TXLNG: variants seen among roughly 807,000 people sequenced by gnomAD.
TXLNG encodes the protein taxilin gamma, also known as gamma-taxilin.
In TXLNG, 5 loss-of-function variants were observed where a neutral mutation model predicts 38.8. That is an observed-to-expected ratio of 0.13 (90% CI 0.07 to 0.27). TXLNG has a LOEUF of 0.27. Ranked by LOEUF, TXLNG falls within the 10% of genes least tolerant of loss-of-function variation. The probability of loss-of-function intolerance (pLI) is 1.00; values close to 1 mark genes in which losing one functional copy is unlikely to be tolerated. For missense variants in TXLNG, 393 were observed against 398.2 expected (o/e 0.99, Z 0.11); for synonymous variants, 182 against 158.2 (o/e 1.15, Z -1.13).
intron 3 of TXLNG, among the ~76,000 whole-genome samples, chrX:16,824,344 CA>C (rs778537903): frequency 2.2e-3 from 201 of 91,527 alleles, no homozygotes; most frequent in African/African-American, 2.0e-3. Context: ...ATGCTATCTC[CA>C]AAAAAAAAAA....
intron 3 of TXLNG, among the ~76,000 whole-genome samples, chrX:16,823,835 G>A: frequency 9.0e-6 from 1 of 111,598 alleles, no homozygotes; most frequent in Middle Eastern, 4.6e-3. Flanking sequence ...TAGTCAGTTT[G>A]TACAGATTAT....
chrX:16,792,255 C>G (rs1016543203), intron 1 of TXLNG, among the ~76,000 whole-genome samples: 2 of 111,586 alleles, frequency 1.8e-5, no homozygotes, highest in Middle Eastern at 4.6e-3. Context: ...ATAATAGAGC[C>G]CACAGTTGGT....
chrX:16,837,052 C>T (rs1179039721), intron 7 of TXLNG, among the ~76,000 whole-genome samples: 1 of 111,472 alleles, frequency 9.0e-6, no homozygotes, highest in Non-Finnish European at 1.9e-5. Flanking sequence ...AGCATTTTTC[C>T]CTCATCCTTA....
intron 1 of TXLNG, among the ~76,000 whole-genome samples, chrX:16,795,781 T>C (rs776829628): frequency 9.0e-6 from 1 of 111,056 alleles, no homozygotes; most frequent in Non-Finnish European, 1.9e-5. Flanking sequence ...TAACATGCCA[T>C]ACAGTTTGCC....
At chrX:16,803,979 T>C (rs949490934) in intron 1 of TXLNG, among the ~76,000 whole-genome samples, 1 of 110,590 alleles carries the variant, frequency 9.0e-6, no homozygotes. Context: ...AAGGAAAATA[T>C]TCCAATAAAG....
At position 16,841,621 on chromosome X, in the gene TXLNG, CTGCCCTGGAT is replaced by C. The variant is rs752066428; in HGVS notation, c.1444_1453del (p.Ala482LeufsTer5). The C allele has an allele frequency of 8.3e-7, 1 of 1,211,717 alleles. No homozygotes were observed. On this transcript the variant is annotated frameshift_variant, in exon 10 of 10. Coordinates refer to ENST00000380122, the MANE Select transcript of TXLNG (RefSeq NM_018360.3). LOFTEE classifies it low-confidence loss of function (END_TRUNC). ...GCAACACCTGTGATGCAGCCCTGTA[CTGCCCTGGAT>C]TCTCACAAGGAGCTGAACACTTCCT...
intron 1 of TXLNG, among the ~76,000 whole-genome samples, chrX:16,814,082 T>A (rs765111714): frequency 9.1e-6 from 1 of 109,615 alleles, no homozygotes; most frequent in South Asian, 3.8e-4. Flanking sequence ...CGAGACTCCA[T>A]CTCAAAAAAA....
intron 1 of TXLNG, among the ~76,000 whole-genome samples, chrX:16,796,807 T>A (rs1927905257): frequency 9.0e-6 from 1 of 110,930 alleles, no homozygotes; most frequent in African/African-American, 3.3e-5. Flanking sequence ...GCTGGCCTTC[T>A]AGTCTCTCTA....
At chrX:16,809,190 C>T (rs1489307751) in intron 1 of TXLNG, among the ~76,000 whole-genome samples, 3 of 110,731 alleles carry the variant, frequency 2.7e-5, no homozygotes, top group African/African-American at 9.9e-5. Context: ...CTAGAGGTTC[C>T]CTTGTGCTGC....
chrX:16,833,471 T>C (rs977139424), intron 6 of TXLNG, among the ~76,000 whole-genome samples: 1 of 112,009 alleles, frequency 8.9e-6, no homozygotes, highest in African/African-American at 3.2e-5. Flanking sequence ...AGTTCCTGAG[T>C]GGCCCTCGTC....
intron 1 of TXLNG, among the ~76,000 whole-genome samples, chrX:16,798,165 G>A (rs1457978031): frequency 1.8e-5 from 2 of 112,180 alleles, no homozygotes; most frequent in African/African-American, 3.2e-5. Context: ...TAGTCATTTC[G>A]AAAATATTGG....
At position 16,828,231 on chromosome X, in the gene TXLNG, C is replaced by T. The variant is rs184731400; in HGVS notation, c.636C>T (p.Cys212=). The change falls in exon 4 of 10, where the codon TGC becomes TGT. Residue 212 remains cysteine, a synonymous_variant. Coordinates refer to ENST00000380122, the MANE Select transcript of TXLNG (RefSeq NM_018360.3). ...CAAGAAGCAAGCTAGAATCTCTTTG[C>T]AGAGAACTTCAGCGTCACAATAAGA... is the stretch of plus-strand genomic sequence containing the variant. The part of the protein sequence containing the change: ...ILARSKLESL[C]RELQRHNKTL... 3 of 1,207,275 alleles carry T rather than the reference C, an allele frequency of 2.5e-6. No homozygotes were observed. The highest frequency in any genetic ancestry group is 2.2e-6 in the Non-Finnish European group (2 of 893,408).
intron 1 of TXLNG, among the ~76,000 whole-genome samples, chrX:16,802,174 C>G (rs1928123441): frequency 9.5e-6 from 1 of 105,029 alleles, no homozygotes; most frequent in African/African-American, 3.5e-5. Flanking sequence ...TCAGACTGGT[C>G]TTGAACTCCT....
At position 16,829,740 on chromosome X, in the gene TXLNG, G is replaced by C; in HGVS notation, c.834G>C (p.Lys278Asn). 2.5e-6 allele frequency: 3 copies of C among 1,211,835 alleles called. No individual in the cohort carries two copies. The highest frequency in any genetic ancestry group is 2.2e-6 in the Non-Finnish European group (2 of 895,532). Residue 278 changes from lysine (K) to asparagine (N), a missense_variant, in exon 5 of 10, where the codon AAG becomes AAC. By Grantham distance (94) the Lys-to-Asn change is moderately conservative. Coordinates refer to ENST00000380122, the MANE Select transcript of TXLNG (RefSeq NM_018360.3). ...TTGAGCTGGGGGAGAAGCTAAAGAA[G>C]CTCATCGAACAGTACGCACTGAGGG... ...ENIELGEKLK[K>N]LIEQYALREE...
intron 3 of TXLNG, among the ~76,000 whole-genome samples, chrX:16,826,566 C>T (rs1047831774): frequency 2.7e-5 from 3 of 111,544 alleles, no homozygotes; most frequent in Non-Finnish European, 5.6e-5. Context: ...GTTTTAGATT[C>T]TGATGACTGT....
At chrX:16,809,345 G>GT (rs56062713) in intron 1 of TXLNG, among the ~76,000 whole-genome samples, 3,292 of 74,398 alleles carry the variant, frequency 0.044, 288 homozygotes, top group African/African-American at 0.15. Context: ...TCTTATAGTT[G>GT]TTTTTTTTTT....
At chrX:16,803,326 C>A (rs1474398417) in intron 1 of TXLNG, 2 of 108,701 alleles carry the variant, frequency 1.8e-5, no homozygotes, top group South Asian at 3.5e-4. Flanking sequence ...TAAATGACAT[C>A]AACAGTGATG....
intron 1 of TXLNG, among the ~76,000 whole-genome samples, chrX:16,811,439 T>TTCCGCC (rs1399925460): frequency 9.0e-6 from 1 of 110,825 alleles, no homozygotes; most frequent in Non-Finnish European, 1.9e-5. Flanking sequence ...TTGCTGCAAC[T>TTCCGCC]TCCGCCTCCC....
At chrX:16,833,345 G>T (rs1416970814) in intron 6 of TXLNG, among the ~76,000 whole-genome samples, 1 of 111,818 alleles carries the variant, frequency 8.9e-6, no homozygotes, top group African/African-American at 3.3e-5. Flanking sequence ...AATCTCATTG[G>T]GTATGTATAT....
Sources: gnomAD v4.1 joint callset for allele counts (sites outside exome capture counted in the v4.1 genomes callset) on GRCh38, gnomAD v4.1.1 for gene constraint, MANE v1.5 for transcripts, NCBI Gene and HGNC (gene_info 2026-07-23, HGNC 2026-07-21) for gene names.